Variants in ADAM17 observed in about 807,000 individuals in gnomAD.
The protein encoded by ADAM17 is disintegrin and metalloproteinase domain-containing protein 17.
Under a neutral mutation model 96.7 loss-of-function variants are expected in ADAM17, and 39 were observed. The observed-to-expected ratio is 0.40, with a 90% CI of 0.31 to 0.53. ADAM17 has a LOEUF of 0.53. Among genes scored for constraint, ADAM17 ranks in the 20% least tolerant of loss-of-function variants. The pLI, the probability that ADAM17 is intolerant of heterozygous loss-of-function variation, is 0.44. For synonymous variants in ADAM17, 344 were observed against 359.2 expected (o/e 0.96, Z 0.48); for missense variants, 777 against 1,013.2 (o/e 0.77, Z 3.17).
chr2:9,493,092 T>C, intron 16 of ADAM17, 106 bp from the exon 17 acceptor site: 1 of 864,740 alleles, frequency 1.2e-6, no homozygotes, highest in Middle Eastern at 2.3e-4. Context: ...AGCTGCTGGC[T>C]AGACATACTA....
rs897247968 is a variant in ADAM17, at chr2:9,490,851, G to A, written c.2133+250C>T. ...ATTGAACTCAAAATATTAACTAAGTGTTGAATGGCTAAATCACTCCTTATG... is the reference window on the plus strand; with the variant it reads ...ATTGAACTCAAAATATTAACTAAGTATTGAATGGCTAAATCACTCCTTATG... On this transcript the variant is annotated intron_variant, in intron 18 of 18. Transcript: ENST00000310823. 5.3e-5 allele frequency among the ~76,000 whole-genome samples: 8 copies of A among 152,186 alleles called. No homozygotes were observed. The East Asian group carries it at 1.5e-3, about 29-fold the overall frequency.
chr2:9,552,898 T>C (rs1665626390), intron 1 of ADAM17, among the ~76,000 whole-genome samples: 1 of 150,258 alleles, frequency 6.7e-6, no homozygotes, highest in African/African-American at 2.5e-5. Context: ...AATGTTGTCA[T>C]ATGCCTAATC....
At chr2:9,511,492 T>C (rs1248837455) in intron 10 of ADAM17, among the ~76,000 whole-genome samples, 1 of 152,006 alleles carries the variant, frequency 6.6e-6, no homozygotes, top group South Asian at 2.1e-4. Context: ...AACAAAACAA[T>C]GTTTTATTTT....
At chr2:9,512,374 G>A (rs1319458332) in intron 10 of ADAM17, 1 of 152,108 alleles carries the variant, frequency 6.6e-6, no homozygotes, top group African/African-American at 2.4e-5. Context: ...TTAAGAAGTT[G>A]TGACTCCAAA....
chr2:9,502,251 T>G lies in ADAM17; in HGVS notation c.1570A>C (p.Asn524His). 3 of 1,613,900 alleles carry G rather than the reference T, an allele frequency of 1.9e-6. No individual in the cohort carries two copies. The highest frequency in any genetic ancestry group is 2.7e-5 in the African/African-American group (2 of 74,994). The change falls in exon 13 of 19, where the codon AAC (asparagine) becomes CAC (histidine). Residue 524 changes from asparagine to histidine, a missense_variant. Asn to His is a moderately conservative substitution (Grantham distance 68, BLOSUM62 1). Coordinates refer to ENST00000310823, the MANE Select transcript of ADAM17 (RefSeq NM_003183.6). The part of the protein sequence containing the change: ...CSDRNSPCCK[N>H]CQFETAQKKC... ...TTCTGGGCAGTCTCAAACTGACAGT[T>G]TTTACAGCAAGGACTGTTCCTGTCA...
chr2:9,536,033 G>A (rs529628124), intron 3 of ADAM17, 111 bp from the exon 4 acceptor site: 1 of 570,442 alleles, frequency 1.8e-6, no homozygotes, highest in East Asian at 3.4e-5. Context: ...CTAGTACTGT[G>A]AGAGCTCTGC....
intron 12 of ADAM17, among the ~76,000 whole-genome samples, chr2:9,502,682 G>A (rs1663078073): frequency 6.6e-6 from 1 of 151,824 alleles, no homozygotes; most frequent in Admixed American, 6.6e-5. Flanking sequence ...AGTTCGAGAT[G>A]AGCCTGGCCA....
intron 6 of ADAM17, among the ~76,000 whole-genome samples, chr2:9,523,752 C>T (rs1469951985): frequency 1.3e-5 from 2 of 152,230 alleles, no homozygotes; most frequent in African/African-American, 4.8e-5. Flanking sequence ...CCTTGAGCCT[C>T]TGTCACCAGA....
At chr2:9,553,656 C>CAAGAGCAA (rs1187104189) in intron 1 of ADAM17, among the ~76,000 whole-genome samples, 14 of 104,136 alleles carry the variant, frequency 1.3e-4, no homozygotes, top group African/African-American at 5.3e-4. Context: ...GCCTGGGCAA[C>CAAGAGCAA]AAGAGCAAAA....
intron 6 of ADAM17, among the ~76,000 whole-genome samples, chr2:9,525,140 C>T (rs898072817): frequency 1.3e-5 from 2 of 151,730 alleles, no homozygotes; most frequent in African/African-American, 4.8e-5. Flanking sequence ...ATAATAAATT[C>T]ACTTGATATG....
intron 13 of ADAM17, among the ~76,000 whole-genome samples, chr2:9,498,150 C>T (rs1393284858): frequency 6.6e-6 from 1 of 152,184 alleles, no homozygotes; most frequent in African/African-American, 2.4e-5. Flanking sequence ...CTGCCTCAGC[C>T]TCACAAGTAC....
Position 9,505,067 on chromosome 2 carries a change from C to T in ADAM17, c.1544+99G>A, listed in dbSNP as rs928263597. On this transcript the variant is annotated intron_variant, in intron 12 of 18. Coordinates refer to ENST00000310823, the MANE Select transcript of ADAM17 (RefSeq NM_003183.6). ...GATGTAAACAAACACACTCACACCCCTTTCAGTTGATTCTAAAGCCCCTGC... is the reference window on the plus strand; with the variant it reads ...GATGTAAACAAACACACTCACACCCTTTTCAGTTGATTCTAAAGCCCCTGC... The T allele has an allele frequency of 8.4e-6, 11 of 1,315,588 alleles. No individual in the cohort carries two copies. The South Asian group carries it at 1.2e-4, about 14-fold the overall frequency. 81.5% of individuals were successfully genotyped at this position (1,315,588 alleles called of 1,614,324 possible).
intron 4 of ADAM17, among the ~76,000 whole-genome samples, chr2:9,530,898 T>A (rs908941245): frequency 5.3e-5 from 8 of 152,154 alleles, no homozygotes; most frequent in Non-Finnish European, 7.4e-5. Flanking sequence ...GGGTATTTTT[T>A]AAAAAAATCT....
intron 11 of ADAM17, among the ~76,000 whole-genome samples, chr2:9,505,878 T>C (rs1178909378): frequency 2.6e-5 from 4 of 152,180 alleles, no homozygotes; most frequent in African/African-American, 9.7e-5. Context: ...GTTTAAATAT[T>C]TGAGCTTAGT....
chr2:9,520,309 C>A (rs1421068756), intron 8 of ADAM17, among the ~76,000 whole-genome samples: 1 of 152,206 alleles, frequency 6.6e-6, no homozygotes, highest in Non-Finnish European at 1.5e-5. Context: ...ATAGCACACA[C>A]AAACTCAAGA....
At chr2:9,553,376 TAA>T (rs796712244) in intron 1 of ADAM17, among the ~76,000 whole-genome samples, 6 of 144,508 alleles carry the variant, frequency 4.2e-5, no homozygotes, top group Non-Finnish European at 4.6e-5. Flanking sequence ...ATATTTCGTT[TAA>T]AAAAAAAAAA....
At chr2:9,543,318 A>T (rs1214501231) in intron 1 of ADAM17, 33 bp from the exon 2 acceptor site, 45 of 1,533,040 alleles carry the variant, frequency 2.9e-5, no homozygotes, top group Non-Finnish European at 3.8e-5. Context: ...ATTAGCATCT[A>T]AACCTAATAA....
chr2:9,490,010 G>T lies in ADAM17; in HGVS notation c.*167C>A. On this transcript the variant is annotated 3_prime_UTR_variant, in exon 19 of 19. Coordinates refer to ENST00000310823, the MANE Select transcript of ADAM17 (RefSeq NM_003183.6). ...CCTTCACCTTACCTTTTCAAAAGGA[G>T]AAGGGCCAAACCACACAAGAACTGT... is the stretch of plus-strand genomic sequence containing the variant. 1 of 603,094 alleles carries T rather than the reference G, an allele frequency of 1.7e-6. No homozygotes were observed. Among genetic ancestry groups the T allele is most frequent in the Non-Finnish European group, 2.8e-6 (1 of 362,300 alleles). 37.4% of individuals were successfully genotyped at this position (603,094 alleles called of 1,614,324 possible). A position where few individuals can be genotyped will look rare whatever the true frequency, so the allele number is the denominator to read the frequency against.
Position 9,490,254 on chromosome 2 carries a change from C to T in ADAM17, c.2398G>A (p.Val800Ile). 1.2e-6 allele frequency: 2 copies of T among 1,613,010 alleles called. 1 individual carries two copies. The highest frequency in any genetic ancestry group is 3.3e-4 in the Middle Eastern group (2 of 6,062). The change falls in exon 19 of 19, where the codon GTC (valine) becomes ATC (isoleucine). Residue 800 changes from valine (V) to isoleucine (I), a missense_variant. This residue lies in a region of ADAM17 where 197 missense variants were observed against 219.4 expected (regional missense o/e 0.90). Coordinates refer to ENST00000310823, the MANE Select transcript of ADAM17 (RefSeq NM_003183.6). ...GAGGCAGCCTTTTCACTTCTGGTGA[C>T]CGGATGGTCCGTGAGATCCTCAAAT... The part of the protein sequence containing the change: ...KSFEDLTDHP[V>I]TRSEKAASFK...
Sources: allele counts gnomAD v4.1 joint callset (sites outside exome capture counted in the v4.1 genomes callset), GRCh38; gene constraint gnomAD v4.1.1; regional missense constraint gnomAD v4.1.1; transcripts MANE v1.5; gene names NCBI Gene and HGNC (gene_info 2026-07-23, HGNC 2026-07-21).